The following NRXN1 variants were observed in gnomAD, a reference collection of about 807,000 sequenced individuals.
NRXN1 encodes neurexin-1.
In NRXN1, 39 loss-of-function variants were observed where a neutral mutation model predicts 150.9. That is an observed-to-expected ratio of 0.26 (90% confidence interval 0.20 to 0.34). NRXN1 has a LOEUF of 0.34. NRXN1 is among the 10% of genes least tolerant of loss of function. The pLI is 1.00. For missense variants in NRXN1, 1,815 were observed against 1,949.9 expected, an observed-to-expected ratio of 0.93 and a Z score of 1.30; for synonymous variants, 924 against 757.0, an observed-to-expected ratio of 1.22 and a Z score of -3.62.
At chr2:50,287,962 G>C (rs2072407985) in intron 17 of NRXN1, among the ~76,000 whole-genome samples, 2 of 151,958 alleles carry the variant, frequency 1.3e-5, no homozygotes, top group African/African-American at 4.8e-5. Flanking sequence ...CTACTGTTGA[G>C]GAAAGGACCT....
chr2:50,090,383 A>G (rs1196719768), intron 19 of NRXN1, among the ~76,000 whole-genome samples: 1 of 152,112 alleles, frequency 6.6e-6, no homozygotes, highest in Non-Finnish European at 1.5e-5. Flanking sequence ...ATAGAAATGT[A>G]TTTTTATACT....
intron 17 of NRXN1, among the ~76,000 whole-genome samples, chr2:50,322,566 C>A (rs2076119575): frequency 6.6e-6 from 1 of 152,170 alleles, no homozygotes; most frequent in Non-Finnish European, 1.5e-5. Context: ...GTTCTCTAAT[C>A]TATCACTAGA....
At chr2:50,648,595 A>T (rs1329797194) in intron 5 of NRXN1, among the ~76,000 whole-genome samples, 10 of 152,010 alleles carry the variant, frequency 6.6e-5, no homozygotes, top group Admixed American at 6.6e-4. Flanking sequence ...TCAAAAAATT[A>T]ACCAGACATA....
Position 49,921,604 on chromosome 2 carries a change from G to T in NRXN1, c.*340C>A. 1 of 226,532 alleles carries T rather than the reference G, an allele frequency of 4.4e-6. No homozygotes were observed. 14.0% of individuals were successfully genotyped at this position (226,532 alleles called of 1,614,324 possible). On this transcript the variant is annotated 3_prime_UTR_variant, in exon 23 of 23. Transcript: ENST00000401669. ...TGTTATGTTTTGTGTTGGTTTTTGTGTTGTGCCTTGATGCTGTAGTACTCC... is the reference window on the plus strand; with the variant it reads ...TGTTATGTTTTGTGTTGGTTTTTGTTTTGTGCCTTGATGCTGTAGTACTCC...
At chr2:50,279,442 T>A (rs1158462903) in intron 17 of NRXN1, among the ~76,000 whole-genome samples, 1 of 152,204 alleles carries the variant, frequency 6.6e-6, no homozygotes, top group Non-Finnish European at 1.5e-5. Flanking sequence ...AATAAGAATG[T>A]CCTAAAATAC....
intron 5 of NRXN1, among the ~76,000 whole-genome samples, chr2:50,791,411 A>G (rs1706024762): frequency 1.3e-5 from 2 of 152,136 alleles, no homozygotes; most frequent in South Asian, 4.2e-4. Context: ...CAGGGAGAAT[A>G]ATGGTTAGGT....
At chr2:50,578,523 C>T (rs575791598) in intron 8 of NRXN1, among the ~76,000 whole-genome samples, 19 of 152,104 alleles carry the variant, frequency 1.2e-4, no homozygotes, top group Admixed American at 6.6e-5. Flanking sequence ...AACTATAGTA[C>T]AATATCACAA....
chr2:50,087,267 T>A (rs1385006562), intron 19 of NRXN1, among the ~76,000 whole-genome samples: 1 of 152,204 alleles, frequency 6.6e-6, no homozygotes, highest in East Asian at 1.9e-4. Context: ...AAATTTAGTA[T>A]GTTACTTTTA....
At chr2:50,724,060 G>C (rs1349526444) in intron 5 of NRXN1, among the ~76,000 whole-genome samples, 1 of 152,158 alleles carries the variant, frequency 6.6e-6, no homozygotes, top group Non-Finnish European at 1.5e-5. Flanking sequence ...AAGATCCATT[G>C]TGATGATCTT....
At chr2:50,381,120 C>T (rs570765739) in intron 17 of NRXN1, among the ~76,000 whole-genome samples, 3 of 151,944 alleles carry the variant, frequency 2.0e-5, no homozygotes, top group Non-Finnish European at 4.4e-5. Flanking sequence ...CTATCCAATG[C>T]AGAATGAATG....
At chr2:50,664,396 CGTGT>C (rs35702112) in intron 5 of NRXN1, among the ~76,000 whole-genome samples, 5,427 of 107,998 alleles carry the variant, frequency 0.05, 206 homozygotes, top group African/African-American at 0.12. Flanking sequence ...AAGTTTAAAG[CGTGT>C]GTGTGTGTGT....
At chr2:50,593,464 T>A (rs1389028922) in intron 8 of NRXN1, among the ~76,000 whole-genome samples, 1 of 152,216 alleles carries the variant, frequency 6.6e-6, no homozygotes, top group Non-Finnish European at 1.5e-5. Flanking sequence ...AAAAATATGG[T>A]AATTCAACTT....
intron 21 of NRXN1, among the ~76,000 whole-genome samples, chr2:49,978,480 C>G (rs1679392801): frequency 6.6e-6 from 1 of 152,124 alleles, no homozygotes; most frequent in Non-Finnish European, 1.5e-5. Flanking sequence ...AGGTGCTTTT[C>G]CTCCTGGGAC....
At chr2:50,965,037 A>T (rs929882574) in intron 2 of NRXN1, among the ~76,000 whole-genome samples, 1 of 151,468 alleles carries the variant, frequency 6.6e-6, no homozygotes, top group African/African-American at 2.4e-5. Context: ...CATTAAACAA[A>T]TGAGATAAGG....
chr2:50,191,212 T>G (rs1246552841), intron 18 of NRXN1, among the ~76,000 whole-genome samples: 3 of 150,906 alleles, frequency 2.0e-5, no homozygotes, highest in Non-Finnish European at 4.4e-5. Context: ...TTTGTTTTTT[T>G]TTTTTTTAGT....
At chr2:50,558,443 A>G (rs926325170) in intron 8 of NRXN1, among the ~76,000 whole-genome samples, 8 of 152,234 alleles carry the variant, frequency 5.3e-5, no homozygotes, top group Non-Finnish European at 1.2e-4. Context: ...TCAATGAGTT[A>G]CATGTGCGTT....
chr2:50,399,524 C>A (rs1279383073), intron 17 of NRXN1, among the ~76,000 whole-genome samples: 1 of 151,620 alleles, frequency 6.6e-6, no homozygotes, highest in Non-Finnish European at 1.5e-5. Context: ...ATTGGGAGAG[C>A]TTTTATAAGG....
At chr2:50,208,315 C>G (rs2062761839) in intron 18 of NRXN1, among the ~76,000 whole-genome samples, 1 of 152,076 alleles carries the variant, frequency 6.6e-6, no homozygotes, top group Non-Finnish European at 1.5e-5. Flanking sequence ...GAGATACAGA[C>G]ATCTTCATCT....
chr2:50,676,806 G>C lies in NRXN1; in HGVS notation c.833-53191C>G, dbSNP rs143315081. Among the ~76,000 whole-genome samples, 662 of 152,246 alleles carry C rather than the reference G, an allele frequency of 4.3e-3. 6 individuals are homozygous for C. Among genetic ancestry groups the C allele is most frequent in the African/African-American group, 0.015 (637 of 41,560 alleles). On this transcript the variant is annotated intron_variant, in intron 5 of 22. Transcript: ENST00000401669. ...AGCCAGATAAGCTTTCTGAAGTAAAGAGAAAATAAGCTATTTTAAGTCTCT... is the reference window on the plus strand; with the variant it reads ...AGCCAGATAAGCTTTCTGAAGTAAACAGAAAATAAGCTATTTTAAGTCTCT...
Sources: gnomAD v4.1 joint callset for allele counts (sites outside exome capture counted in the v4.1 genomes callset) on GRCh38, gnomAD v4.1.1 for gene constraint, MANE v1.5 for transcripts, NCBI Gene and HGNC (gene_info 2026-07-23, HGNC 2026-07-21) for gene names.